The following PSD3 variants were observed in gnomAD, a reference collection of about 807,000 sequenced individuals.
PSD3 encodes pleckstrin and Sec7 domain containing 3.
PSD3 carries 49 observed loss-of-function variants against 105.5 expected under a neutral mutation model. The ratio of observed to expected loss-of-function variants is 0.46; its 90% CI spans 0.37 to 0.59. The LOEUF (loss-of-function observed/expected upper bound fraction) is 0.59, where lower values mean the gene tolerates loss of function less well. PSD3 is among the 20% of genes least tolerant of loss of function. The pLI, the probability that PSD3 is intolerant of heterozygous loss-of-function variation, is 0.00. For synonymous variants in PSD3, 557 were observed against 457.8 expected (o/e 1.22, Z -2.77); for missense variants, 1,561 against 1,263.8 (o/e 1.24, Z -3.57).
intron 4 of PSD3, among the ~76,000 whole-genome samples, chr8:18,839,548 G>A (rs950406021): frequency 1.3e-5 from 2 of 152,100 alleles, no homozygotes; most frequent in African/African-American, 4.8e-5. Context: ...ATGGTTCCGG[G>A]CAGTCACAGA....
intron 15 of PSD3, among the ~76,000 whole-genome samples, chr8:18,540,348 T>C (rs995523697): frequency 3.9e-5 from 6 of 152,204 alleles, no homozygotes; most frequent in East Asian, 1.9e-4. Context: ...TATTGTGATA[T>C]TTGCTTTATT....
At chr8:18,910,683 T>A (rs1270301308) in intron 2 of PSD3, among the ~76,000 whole-genome samples, 1 of 142,582 alleles carries the variant, frequency 7.0e-6, no homozygotes, top group Admixed American at 6.9e-5. Context: ...CCCCAGGCCA[T>A]ATCCTCTTTC....
At chr8:18,793,858 C>T (rs1029143800) in intron 8 of PSD3, among the ~76,000 whole-genome samples, 1 of 152,160 alleles carries the variant, frequency 6.6e-6, no homozygotes, top group Admixed American at 6.6e-5. Context: ...GCAGAGAGTT[C>T]TTGAGGATAT....
At chr8:18,669,290 T>A (rs1799645751) in intron 9 of PSD3, among the ~76,000 whole-genome samples, 1 of 152,234 alleles carries the variant, frequency 6.6e-6, no homozygotes. Flanking sequence ...AGGCTCCCAG[T>A]GGAACATGAA....
rs181250817 is a variant in PSD3 at position 19,029,136 on chromosome 8, C to A, written c.324+55070G>T. On this transcript the variant is annotated intron_variant, in intron 1 of 1. Coordinates refer to the PSD3 transcript ENST00000521475. ...TCTCCAGTTAAAAATTGTTTTGACT[C>A]CTCTAGGTTCTTTGTATGTCCAAAT... 2.3e-3 allele frequency among the ~76,000 whole-genome samples: 353 copies of A among 152,168 alleles called. 2 individuals carry two copies. Among genetic ancestry groups the A allele is most frequent in the African/African-American group, 8.2e-3 (339 of 41,524 alleles).
At chr8:18,855,545 AC>A (rs1815941070) in intron 4 of PSD3, among the ~76,000 whole-genome samples, 1 of 152,248 alleles carries the variant, frequency 6.6e-6, no homozygotes, top group Admixed American at 6.5e-5. Flanking sequence ...AAGGGTAAAG[AC>A]AGAAAGGGAC....
chr8:18,983,785 G>C (rs1055809318), intron 1 of PSD3, among the ~76,000 whole-genome samples: 1 of 151,824 alleles, frequency 6.6e-6, no homozygotes, highest in African/African-American at 2.4e-5. Flanking sequence ...GATTGCTTGA[G>C]TCCAGGAGCT....
intron 9 of PSD3, among the ~76,000 whole-genome samples, chr8:18,692,253 TGA>T (rs1300747941): frequency 6.6e-6 from 1 of 152,202 alleles, no homozygotes; most frequent in African/African-American, 2.4e-5. Context: ...GAGCTGACAC[TGA>T]GATAGACATT....
intron 9 of PSD3, among the ~76,000 whole-genome samples, chr8:18,694,850 A>G (rs2131009371): frequency 1.3e-5 from 2 of 152,266 alleles, no homozygotes; most frequent in South Asian, 2.1e-4. Context: ...GATAAATGAA[A>G]CTGTTTTCAT....
At chr8:18,876,443 G>A (rs1586300976) in intron 2 of PSD3, among the ~76,000 whole-genome samples, 2 of 152,266 alleles carry the variant, frequency 1.3e-5, no homozygotes, top group African/African-American at 2.4e-5. Context: ...CTGGAGTGCA[G>A]TGGGACGATC....
At chr8:18,999,787 C>G (rs4644302) in intron 1 of PSD3, among the ~76,000 whole-genome samples, 105,464 of 150,784 alleles carry the variant, frequency 0.7, 37,667 homozygotes, top group East Asian at 0.91. Context: ...ATCTTTCTAA[C>G]TCCCCTCTGA....
At position 18,532,989 on chromosome 8, in the gene PSD3, G is replaced by A. The variant is rs1156649433; in HGVS notation, c.*2754C>T. 6.6e-6 allele frequency: 1 copy of A among 152,312 alleles called. No individual in the cohort carries two copies. The highest frequency in any genetic ancestry group is 1.5e-5 in the Non-Finnish European group (1 of 68,090). 9.4% of individuals were successfully genotyped at this position (152,312 alleles called of 1,614,324 possible). A position where few individuals can be genotyped will look rare whatever the true frequency, so the allele number is the denominator to read the frequency against. Reference sequence around the variant, plus strand: ...GGGCGCTGAGGTGGGCGACGGAGGTGGGTGGCGTACCTTCAGAGGAAAGGG... The same window carrying A: ...GGGCGCTGAGGTGGGCGACGGAGGTAGGTGGCGTACCTTCAGAGGAAAGGG... On this transcript the variant is annotated 3_prime_UTR_variant, in exon 16 of 16. Transcript: ENST00000327040.
intron 1 of PSD3, among the ~76,000 whole-genome samples, chr8:18,994,774 A>G (rs947533672): frequency 6.1e-4 from 93 of 151,710 alleles, no homozygotes; most frequent in African/African-American, 2.2e-3. Context: ...TCATATTTCT[A>G]TTGAATAGCA....
chr8:18,963,847 G>C (rs914874675), intron 1 of PSD3, among the ~76,000 whole-genome samples: 4 of 152,166 alleles, frequency 2.6e-5, no homozygotes, highest in African/African-American at 9.7e-5. Flanking sequence ...TATAATGCTT[G>C]CCCAAACAGA....
At chr8:18,766,805 T>A (rs1285778251) in intron 8 of PSD3, among the ~76,000 whole-genome samples, 1 of 152,204 alleles carries the variant, frequency 6.6e-6, no homozygotes, top group Admixed American at 6.5e-5. Context: ...GTCCCAAATG[T>A]CACAGAGCAA....
At chr8:18,875,369 A>G (rs745430939) in intron 2 of PSD3, among the ~76,000 whole-genome samples, 1 of 152,192 alleles carries the variant, frequency 6.6e-6, no homozygotes, top group African/African-American at 2.4e-5. Flanking sequence ...TGAATTGAAA[A>G]AGATGATAGC....
intron 1 of PSD3, among the ~76,000 whole-genome samples, chr8:18,991,952 C>A (rs1242168234): frequency 6.6e-6 from 1 of 152,158 alleles, no homozygotes; most frequent in Non-Finnish European, 1.5e-5. Flanking sequence ...ACAAGTTTTA[C>A]CCTCATTGTA....
At chr8:18,692,674 G>C (rs1801035056) in intron 9 of PSD3, among the ~76,000 whole-genome samples, 1 of 151,926 alleles carries the variant, frequency 6.6e-6, no homozygotes, top group African/African-American at 2.4e-5. Flanking sequence ...GGAATTTTGA[G>C]GGGATTATTC....
chr8:18,541,291 C>T (rs569758916), intron 15 of PSD3, among the ~76,000 whole-genome samples: 3 of 151,608 alleles, frequency 2.0e-5, no homozygotes, highest in African/African-American at 2.4e-5. Context: ...AAGGAATAAG[C>T]GCCACTGAGT....
Sources: allele counts gnomAD v4.1 joint callset (sites outside exome capture counted in the v4.1 genomes callset), GRCh38; gene constraint gnomAD v4.1.1; transcripts MANE v1.5; gene names NCBI Gene and HGNC (gene_info 2026-07-23, HGNC 2026-07-21).